Variants in ECHDC1 observed in about 807,000 individuals in gnomAD.
ECHDC1 encodes ethylmalonyl-CoA decarboxylase.
In ECHDC1, 29 loss-of-function variants were observed where a neutral mutation model predicts 29.7. The ratio of observed to expected loss-of-function variants is 0.98; its 90% CI spans 0.73 to 1.33. The LOEUF (loss-of-function observed/expected upper bound fraction) is 1.33, where lower values mean the gene tolerates loss of function less well. ECHDC1 is among the 40% of genes most tolerant of loss of function. The pLI is 0.00. For missense variants in ECHDC1, 328 were observed against 350.0 expected (o/e 0.94, Z 0.50); for synonymous variants, 126 against 123.1 (o/e 1.02, Z -0.15).
At chr6:127,302,793 A>G (rs1781151475) in intron 5 of ECHDC1, among the ~76,000 whole-genome samples, 1 of 152,178 alleles carries the variant, frequency 6.6e-6, no homozygotes, top group Non-Finnish European at 1.5e-5. Flanking sequence ...TTCAGTGTAA[A>G]GTGAGGAATG....
At chr6:127,322,385 C>T (rs888724799) in intron 3 of ECHDC1, among the ~76,000 whole-genome samples, 2 of 152,128 alleles carry the variant, frequency 1.3e-5, no homozygotes, top group African/African-American at 4.8e-5. Flanking sequence ...AGCAGATTCA[C>T]CATTCCACAT....
intron 1 of ECHDC1, chr6:127,341,628 C>G (rs1227602693): frequency 1.3e-5 from 2 of 152,118 alleles, no homozygotes; most frequent in African/African-American, 4.8e-5. Flanking sequence ...AACAAGCTCA[C>G]TACCAAGCCA....
intron 5 of ECHDC1, among the ~76,000 whole-genome samples, chr6:127,295,000 G>A (rs1029876740): frequency 5.9e-5 from 9 of 151,520 alleles, no homozygotes; most frequent in Non-Finnish European, 1.2e-4. Context: ...CCAGGCTGGA[G>A]TGTAGTGGTA....
chr6:127,320,385 T>G (rs1159200913), intron 3 of ECHDC1, among the ~76,000 whole-genome samples: 1 of 152,136 alleles, frequency 6.6e-6, no homozygotes, highest in Non-Finnish European at 1.5e-5. Flanking sequence ...AGACAAGAAC[T>G]TTGAGGTCAC....
chr6:127,293,400 A>G (rs1780352081), intron 5 of ECHDC1, among the ~76,000 whole-genome samples: 1 of 152,174 alleles, frequency 6.6e-6, no homozygotes, highest in Non-Finnish European at 1.5e-5. Flanking sequence ...TGAAGTGCAT[A>G]CACTCAGAAG....
At chr6:127,342,289 CAG>C (rs908020160) in intron 1 of ECHDC1, 6 of 1,478,764 alleles carry the variant, frequency 4.1e-6, no homozygotes, top group African/African-American at 1.4e-5. Context: ...TAAGACTAAA[CAG>C]GGGCTTAAGA....
At chr6:127,298,878 T>C (rs1220864164) in intron 5 of ECHDC1, among the ~76,000 whole-genome samples, 1 of 151,736 alleles carries the variant, frequency 6.6e-6, no homozygotes, top group Non-Finnish European at 1.5e-5. Context: ...TACTGTACTA[T>C]ATTTTTTTTT....
chr6:127,309,425 G>T (rs796304918), intron 5 of ECHDC1, among the ~76,000 whole-genome samples: 137 of 112,020 alleles, frequency 1.2e-3, no homozygotes, highest in African/African-American at 4.4e-3. Flanking sequence ...TATCACCACA[G>T]ACAAAAATCA....
intron 3 of ECHDC1, among the ~76,000 whole-genome samples, chr6:127,320,992 C>T (rs2114642222): frequency 6.6e-6 from 1 of 152,182 alleles, no homozygotes; most frequent in South Asian, 2.1e-4. Context: ...CTGTATTAGT[C>T]TCTGCTTTTA....
In ECHDC1 at chr6:127,299,047, TTTA is replaced by T. The variant is rs1275052156; in HGVS notation, c.498-8773_498-8771del. 1.3e-4 allele frequency among the ~76,000 whole-genome samples: 20 copies of T among 151,294 alleles called. 1 individual carries two copies. Among genetic ancestry groups the T allele is most frequent in the Non-Finnish European group, 4.4e-5 (3 of 67,712 alleles). On this transcript the variant is annotated intron_variant, in intron 5 of 5. Coordinates refer to ENST00000454859, the MANE Select transcript of ECHDC1 (RefSeq NM_001002030.2). ...TGTGCCACCATGCCTGGCTATTTTT[TTTA>T]TTTTTTGTGTCTCACTATGTTGCCC...
chr6:127,314,823 C>T lies in ECHDC1; in HGVS notation c.490G>A (p.Asp164Asn). 1 of 1,605,154 alleles carries T rather than the reference C, an allele frequency of 6.2e-7. No homozygotes were observed. The highest frequency in any genetic ancestry group is 1.1e-5 in the South Asian group (1 of 88,246). ...ATGAAATTTTCATCCTACCTGAAAT[C>T]ACATGCTGTAGTAAATTCTGCTCCT... is the stretch of plus-strand genomic sequence containing the variant. ...GGGAEFTTAC[D>N]FRLMTPESKI... The change falls in exon 5 of 6, where the codon GAT becomes AAT. Residue 164 changes from aspartate (D) to asparagine (N), a missense_variant. Asp to Asn is a conservative substitution (Grantham distance 23). Coordinates refer to ENST00000454859, the MANE Select transcript of ECHDC1 (RefSeq NM_001002030.2).
chr6:127,326,397 T>C lies in ECHDC1; in HGVS notation c.363+605A>G, dbSNP rs1018983450. On this transcript the variant is annotated intron_variant, in intron 3 of 5. Coordinates refer to ENST00000454859, the MANE Select transcript of ECHDC1 (RefSeq NM_001002030.2). ...CGTGCAGAACTGTAAGTCAATGAAA[T>C]GTCTTTTCTTCATAAACTACCCAGT... The C allele has an allele frequency of 3.7e-5, 11 of 294,218 alleles. No homozygotes were observed. The East Asian group carries it at 5.7e-4, about 15-fold the overall frequency. The allele number at this position is 294,218 out of a possible 1,614,324, so 18.2% of individuals were successfully genotyped here.
intron 5 of ECHDC1, chr6:127,294,847 A>G (rs150358224): frequency 6.7e-6 from 1 of 148,930 alleles, no homozygotes; most frequent in African/African-American, 2.5e-5. Flanking sequence ...CCAAATCAAA[A>G]ATGGGATTTG....
At chr6:127,315,168 C>T in intron 4 of ECHDC1, 2 of 578,302 alleles carry the variant, frequency 3.5e-6, no homozygotes, top group South Asian at 1.5e-5. Context: ...TAAGCTATAG[C>T]CATATTGTAA....
At chr6:127,307,765 A>AAT (rs1470712730) in intron 5 of ECHDC1, among the ~76,000 whole-genome samples, 1 of 151,316 alleles carries the variant, frequency 6.6e-6, no homozygotes, top group Non-Finnish European at 1.5e-5. Context: ...CAAAGAAAAA[A>AAT]AAAAAGAGAA....
At chr6:127,314,373 T>C (rs1382251968) in intron 5 of ECHDC1, among the ~76,000 whole-genome samples, 1 of 152,182 alleles carries the variant, frequency 6.6e-6, no homozygotes, top group African/African-American at 2.4e-5. Flanking sequence ...AAAGTTGCTA[T>C]AAATCACAGC....
Position 127,289,166 on chromosome 6 carries a change from C to T in ECHDC1, c.*703G>A, listed in dbSNP as rs1252807897. ...ATGAGTCCCTTCAAGTGGTTTAAAA[C>T]TACATCAACAGTAGTTGTTTATTAC... On this transcript the variant is annotated 3_prime_UTR_variant, in exon 6 of 6. Transcript: ENST00000454859. 2 of 152,012 alleles carry T rather than the reference C, an allele frequency of 1.3e-5. No individual in the cohort carries two copies. The highest frequency in any genetic ancestry group is 2.9e-5 in the Non-Finnish European group (2 of 67,958). 9.4% of individuals were successfully genotyped at this position (152,012 alleles called of 1,614,324 possible). A position where few individuals can be genotyped will look rare whatever the true frequency, so the allele number is the denominator to read the frequency against.
chr6:127,308,286 A>G (rs1781610522), intron 5 of ECHDC1, among the ~76,000 whole-genome samples: 1 of 152,208 alleles, frequency 6.6e-6, no homozygotes, highest in Non-Finnish European at 1.5e-5. Context: ...ATATATTAAA[A>G]AGATCATTCA....
chr6:127,323,992 A>G (rs748297736), intron 3 of ECHDC1, among the ~76,000 whole-genome samples: 3 of 152,178 alleles, frequency 2.0e-5, no homozygotes, highest in Non-Finnish European at 4.4e-5. Flanking sequence ...TAGGTGATTT[A>G]TATACATAGC....
Sources: allele counts gnomAD v4.1 joint callset (sites outside exome capture counted in the v4.1 genomes callset), GRCh38; gene constraint gnomAD v4.1.1; transcripts MANE v1.5; gene names NCBI Gene and HGNC (gene_info 2026-07-23, HGNC 2026-07-21).